Variants in TPCN1 observed in about 807,000 individuals in gnomAD.
TPCN1 encodes two pore channel protein 1.
In TPCN1, 52 loss-of-function variants were observed where a neutral mutation model predicts 108.8. The observed-to-expected ratio is 0.48, with a 90% CI of 0.38 to 0.60. The LOEUF is 0.60. TPCN1 is among the 20% of genes least tolerant of loss of function. The pLI is 0.00. For synonymous variants in TPCN1, 446 were observed against 433.7 expected (o/e 1.03, Z -0.35); for missense variants, 806 against 1,072.8 (o/e 0.75, Z 3.47).
chr12:113,235,623 G>T (rs1953861809), intron 2 of TPCN1, among the ~76,000 whole-genome samples: 1 of 152,136 alleles, frequency 6.6e-6, no homozygotes, highest in African/African-American at 2.4e-5. Context: ...GCACATTTAG[G>T]ACTTAGAACA....
Position 113,295,987 on chromosome 12 carries a change from C to T in TPCN1, c.2362C>T (p.Gln788Ter). The T allele has an allele frequency of 6.2e-7, 1 of 1,611,146 alleles. No homozygotes were observed. Among genetic ancestry groups the T allele is most frequent in the Non-Finnish European group, 8.5e-7 (1 of 1,179,232 alleles). Residue 788 changes from glutamine to a stop codon, truncating the protein, a stop_gained, in exon 28 of 28, where the codon CAA becomes TAA. Transcript: ENST00000335509. LOFTEE classifies it low-confidence loss of function (END_TRUNC). The stretch of plus-strand genomic sequence containing the variant: ...GTGGTATGAGGAGCATGCCAGGGAG[C>T]AAGAGCAGCAGCGACAACTCAGCAG... ...QEWYEEHAREQEQQRQLSSSA... is the reference protein window; with the variant it reads ...QEWYEEHARE
At chr12:113,254,180 T>A (rs1182268733) in intron 2 of TPCN1, among the ~76,000 whole-genome samples, 1 of 152,246 alleles carries the variant, frequency 6.6e-6, no homozygotes. Flanking sequence ...AGAAGGTTAA[T>A]ATGTAATAAA....
At chr12:113,286,024 TCTGCA>T in intron 18 of TPCN1, 63 bp downstream of exon 18, 1 of 1,400,902 alleles carries the variant, frequency 7.1e-7, no homozygotes, top group Non-Finnish European at 1.0e-6. Context: ...CAGACCCTTC[TCTGCA>T]CACCCTGATC....
chr12:113,261,975 A>G (rs1955056331), intron 3 of TPCN1, among the ~76,000 whole-genome samples: 5 of 152,204 alleles, frequency 3.3e-5, no homozygotes, highest in Admixed American at 3.3e-4. Flanking sequence ...AATCCTCTGC[A>G]CAGGAAGTAT....
At chr12:113,237,557 C>G (rs1953944333) in intron 2 of TPCN1, among the ~76,000 whole-genome samples, 1 of 152,132 alleles carries the variant, frequency 6.6e-6, no homozygotes, top group South Asian at 2.1e-4. Context: ...CGGGGTTTCA[C>G]CACATTGGCC....
At chr12:113,291,754 C>A in intron 24 of TPCN1, 77 bp downstream of exon 24, 6 of 1,579,144 alleles carry the variant, frequency 3.8e-6, no homozygotes, top group Non-Finnish European at 5.2e-6. Flanking sequence ...CAGCCTGCAG[C>A]GTCAGGGAGT....
At chr12:113,234,793 C>T (rs1481144523) in intron 2 of TPCN1, among the ~76,000 whole-genome samples, 1 of 152,134 alleles carries the variant, frequency 6.6e-6, no homozygotes, top group Non-Finnish European at 1.5e-5. Context: ...TAATCATTGT[C>T]GTGTAGGATC....
At chr12:113,291,564 C>G in intron 23 of TPCN1, 45 bp from the exon 24 acceptor site, 2 of 1,568,096 alleles carry the variant, frequency 1.3e-6, no homozygotes, top group Non-Finnish European at 1.7e-6. Context: ...CGGGGACCTG[C>G]CCTGCATGGG....
At chr12:113,244,696 C>T (rs967585757) in intron 2 of TPCN1, 6 of 985,172 alleles carry the variant, frequency 6.1e-6, no homozygotes, top group African/African-American at 1.7e-5. Context: ...GGCGGTTGCT[C>T]GTTGTCATTC....
chr12:113,288,622 G>A lies in TPCN1; in HGVS notation c.1707-136G>A, dbSNP rs1424821487. ...AGCTGCCCCACGAGGCCCCTTCCCC[G>A]CAGGCACTTTCCAGTTGGTGAACCG... On this transcript the variant is annotated intron_variant, in intron 20 of 27. Coordinates refer to ENST00000335509, the MANE Select transcript of TPCN1 (RefSeq NM_017901.6). The surrounding 1 kb of genome is among the most constrained non-coding windows in gnomAD (Gnocchi z 4.8). 2.9e-5 allele frequency: 44 copies of A among 1,523,144 alleles called. No individual in the cohort carries two copies. In the South Asian group the frequency reaches 3.4e-4, roughly 12 times the overall value. 94.4% of individuals were successfully genotyped at this position (1,523,144 alleles called of 1,614,324 possible). A position where few individuals can be genotyped will look rare whatever the true frequency, so the allele number is the denominator to read the frequency against.
At chr12:113,261,970 T>C (rs1955056166) in intron 3 of TPCN1, among the ~76,000 whole-genome samples, 1 of 152,202 alleles carries the variant, frequency 6.6e-6, no homozygotes, top group South Asian at 2.1e-4. Flanking sequence ...CATGGAATCC[T>C]CTGCACAGGA....
chr12:113,226,716 C>T lies in TPCN1; in HGVS notation c.-125-12C>T, dbSNP rs1463269290. ...ATAATTATCTTTTATTTTTTTAATTCCCAAACCCTAGAAGATGCCTCTAAT... is the reference window on the plus strand; with the variant it reads ...ATAATTATCTTTTATTTTTTTAATTTCCAAACCCTAGAAGATGCCTCTAAT... On this transcript the variant is annotated splice_polypyrimidine_tract_variant and intron_variant, in intron 1 of 27. Coordinates refer to ENST00000335509, the MANE Select transcript of TPCN1 (RefSeq NM_017901.6). 6.6e-7 allele frequency: 1 copy of T among 1,522,220 alleles called. No homozygotes were observed. The highest frequency in any genetic ancestry group is 2.5e-5 in the East Asian group (1 of 40,690). The allele number at this position is 1,522,220 out of a possible 1,614,324, so 94.3% of individuals were successfully genotyped here.
chr12:113,294,978 C>T (rs1337606355), intron 27 of TPCN1, among the ~76,000 whole-genome samples: 11 of 152,222 alleles, frequency 7.2e-5, no homozygotes, highest in African/African-American at 1.9e-4. Context: ...ACACATTCTC[C>T]GGGAACACAA....
chr12:113,277,849 C>T (rs1955726703), intron 12 of TPCN1, among the ~76,000 whole-genome samples: 1 of 152,164 alleles, frequency 6.6e-6, no homozygotes, highest in Admixed American at 6.5e-5. Flanking sequence ...CTTGCAGTCC[C>T]AGGTGTTGCA....
intron 1 of TPCN1, among the ~76,000 whole-genome samples, chr12:113,223,143 CTT>C (rs1295372649): frequency 6.6e-6 from 1 of 152,086 alleles, no homozygotes; most frequent in Non-Finnish European, 1.5e-5. Flanking sequence ...CTGGAGGAAA[CTT>C]AAGAAAAAAA....
chr12:113,241,793 T>C (rs78810900), intron 2 of TPCN1, among the ~76,000 whole-genome samples: 221 of 150,538 alleles, frequency 1.5e-3, no homozygotes, highest in African/African-American at 4.3e-3. Context: ...TGTGTGTGTG[T>C]GCGTGTGTGT....
At chr12:113,247,419 A>G (rs1175361150) in intron 2 of TPCN1, among the ~76,000 whole-genome samples, 3 of 152,182 alleles carry the variant, frequency 2.0e-5, no homozygotes, top group Admixed American at 6.5e-5. Flanking sequence ...TGGGCCTGAA[A>G]TGTCCTCCTC....
chr12:113,295,870 C>G (rs1566212218), intron 27 of TPCN1, 90 bp from the exon 28 acceptor site: 1 of 1,409,064 alleles, frequency 7.1e-7, no homozygotes, highest in Non-Finnish European at 9.6e-7. Flanking sequence ...CCCCTTCCAG[C>G]CTGGATGCTG....
chr12:113,237,679 C>T (rs767240824), intron 2 of TPCN1, among the ~76,000 whole-genome samples: 1 of 152,176 alleles, frequency 6.6e-6, no homozygotes, highest in Non-Finnish European at 1.5e-5. Context: ...TCTTAAGAGG[C>T]ACTCAGGAAG....
Sources: allele counts gnomAD v4.1 joint callset (sites outside exome capture counted in the v4.1 genomes callset), GRCh38; gene constraint gnomAD v4.1.1; non-coding constraint Gnocchi (gnomAD v3.1); transcripts MANE v1.5; gene names NCBI Gene and HGNC (gene_info 2026-07-23, HGNC 2026-07-21).